The following BACH2 variants were observed in gnomAD, a reference collection of about 807,000 sequenced individuals.
BACH2 encodes BACH transcriptional regulator 2.
In BACH2, 5 loss-of-function variants were observed where a neutral mutation model predicts 61.8. The ratio of observed to expected loss-of-function variants is 0.08; its 90% confidence interval spans 0.04 to 0.17. The LOEUF is 0.17. Ranked by LOEUF, BACH2 falls within the 10% of genes least tolerant of loss-of-function variation. BACH2 has a pLI of 1.00. For synonymous variants in BACH2, 446 were observed against 440.1 expected, an observed-to-expected ratio of 1.01 and a Z score of -0.17; for missense variants, 824 against 1,091.1, an observed-to-expected ratio of 0.76 and a Z score of 3.45.
At chr6:90,240,275 G>C (rs1187449498) in intron 3 of BACH2, among the ~76,000 whole-genome samples, 3 of 152,052 alleles carry the variant, frequency 2.0e-5, no homozygotes, top group Non-Finnish European at 2.9e-5. Context: ...TAATCCTTTT[G>C]AAAACCTATT....
chr6:89,963,757 C>T (rs1774885367), intron 6 of BACH2, among the ~76,000 whole-genome samples: 1 of 152,198 alleles, frequency 6.6e-6, no homozygotes, highest in African/African-American at 2.4e-5. Context: ...TGTTTGTACA[C>T]TCATGTTCAC....
At chr6:90,222,775 T>C (rs1769777538) in intron 3 of BACH2, among the ~76,000 whole-genome samples, 1 of 152,132 alleles carries the variant, frequency 6.6e-6, no homozygotes, top group Admixed American at 6.5e-5. Context: ...AACAACCCCC[T>C]CTTAGCCTCT....
intron 6 of BACH2, among the ~76,000 whole-genome samples, chr6:90,003,146 C>T (rs1777222236): frequency 6.6e-6 from 1 of 152,206 alleles, no homozygotes. Context: ...ACCTGTGAAA[C>T]TCTCCAGTGG....
intron 4 of BACH2, among the ~76,000 whole-genome samples, chr6:90,189,636 A>AG (rs942021227): frequency 6.6e-6 from 1 of 150,754 alleles, no homozygotes; most frequent in Non-Finnish European, 1.5e-5. Flanking sequence ...AAAAAAAAAA[A>AG]AAAGAGTGGG....
intron 5 of BACH2, among the ~76,000 whole-genome samples, chr6:90,032,049 C>T (rs1050325960): frequency 6.6e-6 from 1 of 152,058 alleles, no homozygotes; most frequent in Non-Finnish European, 1.5e-5. Flanking sequence ...AGAAATAATG[C>T]CGCATATCTA....
At chr6:90,074,290 CA>C (rs1407886064) in intron 5 of BACH2, among the ~76,000 whole-genome samples, 2 of 152,092 alleles carry the variant, frequency 1.3e-5, no homozygotes, top group African/African-American at 4.8e-5. Flanking sequence ...CATATGTGAA[CA>C]AATGACTTTA....
chr6:90,087,094 T>C (rs1781963799), intron 5 of BACH2, among the ~76,000 whole-genome samples: 2 of 152,206 alleles, frequency 1.3e-5, no homozygotes, highest in South Asian at 4.1e-4. Flanking sequence ...TTTTAACATA[T>C]ACCTACTGTA....
intron 5 of BACH2, among the ~76,000 whole-genome samples, chr6:90,084,588 G>C (rs12661432): frequency 6.7e-6 from 1 of 149,254 alleles, no homozygotes; most frequent in East Asian, 2.0e-4. Flanking sequence ...AACTGACTCA[G>C]AAACCTCTTT....
rs1187570972 is a variant in BACH2 at position 90,220,666 on chromosome 6, T to A, written c.-274-13985A>T. 2.6e-5 allele frequency among the ~76,000 whole-genome samples: 4 copies of A among 152,342 alleles called. No homozygotes were observed. In the East Asian group the frequency reaches 7.7e-4, roughly 29 times the overall value. On this transcript the variant is annotated intron_variant, in intron 3 of 8. Coordinates refer to ENST00000257749, the MANE Select transcript of BACH2 (RefSeq NM_021813.4). ...AGAGAGTGACAGAAAAGGAAATTTT[T>A]AATTTCAGAAGCCTTAGGAAAATTG...
chr6:90,268,583 A>T (rs1771421575), intron 2 of BACH2, among the ~76,000 whole-genome samples: 1 of 152,132 alleles, frequency 6.6e-6, no homozygotes, highest in African/African-American at 2.4e-5. Context: ...AATCAGGCTT[A>T]TGTTTTTAGT....
Position 90,008,584 on chromosome 6 carries a change from C to CA in BACH2, c.243+17dup. 1 of 1,613,224 alleles carries CA rather than the reference C, an allele frequency of 6.2e-7. No individual in the cohort carries two copies. The highest frequency in any genetic ancestry group is 1.1e-5 in the South Asian group (1 of 91,054). ...CAATAAACATTCATTAACAATCACA[C>CA]AAACCAAATTACTGTACCTCCTCAG... On this transcript the variant is annotated intron_variant, in intron 6 of 8. Transcript: ENST00000257749. This position sits in a 1 kb window ranked among gnomAD's most constrained non-coding sequence, Gnocchi z 4.1.
At chr6:90,219,767 G>T (rs1395627014) in intron 3 of BACH2, among the ~76,000 whole-genome samples, 1 of 135,346 alleles carries the variant, frequency 7.4e-6, no homozygotes, top group East Asian at 2.2e-4. Flanking sequence ...TATTCTGGGA[G>T]TGGGGCTTTA....
intron 5 of BACH2, among the ~76,000 whole-genome samples, chr6:90,011,298 T>G (rs1777692013): frequency 2.0e-5 from 3 of 152,254 alleles, no homozygotes; most frequent in African/African-American, 7.2e-5. Context: ...GCAGCATTGT[T>G]AAAAATACTC....
intron 4 of BACH2, among the ~76,000 whole-genome samples, chr6:90,123,837 A>G (rs923053380): frequency 2.6e-5 from 4 of 151,944 alleles, no homozygotes; most frequent in Non-Finnish European, 4.4e-5. Flanking sequence ...TTAGAAATAG[A>G]AATCTTATGT....
chr6:90,225,639 A>G (rs1036060590), intron 3 of BACH2, among the ~76,000 whole-genome samples: 10 of 152,270 alleles, frequency 6.6e-5, no homozygotes, highest in Non-Finnish European at 7.4e-5. Flanking sequence ...GGAGAGCATC[A>G]GGATAAATAG....
At chr6:90,181,188 T>C (rs1178260224) in intron 4 of BACH2, among the ~76,000 whole-genome samples, 1 of 152,234 alleles carries the variant, frequency 6.6e-6, no homozygotes, top group Admixed American at 6.5e-5. Context: ...TATTGTTTTT[T>C]TACTTTTTCA....
At chr6:90,076,408 T>C (rs1353911627) in intron 5 of BACH2, among the ~76,000 whole-genome samples, 1 of 152,206 alleles carries the variant, frequency 6.6e-6, no homozygotes, top group Non-Finnish European at 1.5e-5. Context: ...CTAATACTTA[T>C]TCCCTTATGG....
At chr6:89,952,079 C>T in intron 6 of BACH2, 1 of 594,162 alleles carries the variant, frequency 1.7e-6, no homozygotes, top group Non-Finnish European at 2.9e-6. Flanking sequence ...ACAGCACAGG[C>T]AGAATTGAAA....
chr6:90,146,593 A>T (rs76834033), intron 4 of BACH2, among the ~76,000 whole-genome samples: 2,220 of 152,340 alleles, frequency 0.015, 54 homozygotes, highest in African/African-American at 0.051. Flanking sequence ...ATGATCACAC[A>T]TACTTAAATA....
Sources: gnomAD v4.1 joint callset for allele counts (sites outside exome capture counted in the v4.1 genomes callset) on GRCh38, gnomAD v4.1.1 for gene constraint, Gnocchi (gnomAD v3.1) non-coding constraint, MANE v1.5 for transcripts, NCBI Gene and HGNC (gene_info 2026-07-23, HGNC 2026-07-21) for gene names.